Variants in DYNC1I2 observed in about 807,000 individuals in gnomAD.
DYNC1I2 encodes the protein dynein cytoplasmic 1 intermediate chain 2, also known as cytoplasmic dynein 1 intermediate chain 2.
In DYNC1I2, 53 loss-of-function variants were observed where a neutral mutation model predicts 88.6. That is an observed-to-expected ratio of 0.60 (90% CI 0.48 to 0.75). The LOEUF is 0.75. Among genes scored for constraint, DYNC1I2 ranks in the 30% least tolerant of loss-of-function variants. The pLI, the probability that DYNC1I2 is intolerant of heterozygous loss-of-function variation, is 0.00. For missense variants in DYNC1I2, 458 were observed against 766.6 expected (o/e 0.60, Z 4.75); for synonymous variants, 198 against 254.6 (o/e 0.78, Z 2.12).
At position 171,708,063 on chromosome 2, in the gene DYNC1I2, TCTCTCACACACA is replaced by T. The variant is rs1686820508; in HGVS notation, c.335+688_335+699del. ...GTATTACTACTTATTCCTCTTTGTC[TCTCTCACACACA>T]CACACACACACACACACAAAATAGT... On this transcript the variant is annotated intron_variant, in intron 5 of 17. Transcript: ENST00000397119. Among the ~76,000 whole-genome samples the T allele has an allele frequency of 6.8e-5, 10 of 147,618 alleles. 1 individual carries two copies. In the South Asian group the frequency reaches 2.1e-3, roughly 32 times the overall value.
intron 7 of DYNC1I2, among the ~76,000 whole-genome samples, chr2:171,723,879 TG>T (rs1338360980): frequency 6.6e-6 from 1 of 152,160 alleles, no homozygotes; most frequent in African/African-American, 2.4e-5. Flanking sequence ...ATTTTCAGAT[TG>T]TTTTTCCATT....
chr2:171,733,428 C>T (rs1380858952), intron 15 of DYNC1I2, among the ~76,000 whole-genome samples: 2 of 128,718 alleles, frequency 1.6e-5, no homozygotes, highest in South Asian at 2.8e-4. Flanking sequence ...AGTGTAAAAA[C>T]GTTCCTTTTT....
intron 3 of DYNC1I2, among the ~76,000 whole-genome samples, chr2:171,700,241 C>G (rs1055738545): frequency 6.6e-6 from 1 of 152,104 alleles, no homozygotes; most frequent in South Asian, 2.1e-4. Flanking sequence ...ACTTGAGTAT[C>G]CTGGTAGCAT....
At chr2:171,704,143 T>C (rs1246202826) in intron 3 of DYNC1I2, among the ~76,000 whole-genome samples, 1 of 152,170 alleles carries the variant, frequency 6.6e-6, no homozygotes, top group Non-Finnish European at 1.5e-5. Context: ...TCCCAGGTCC[T>C]TTGTGGTCTA....
chr2:171,694,367 AAAAGAGGTGGCTGGGTGGG>A (rs1685604341), intron 3 of DYNC1I2, among the ~76,000 whole-genome samples: 2 of 152,122 alleles, frequency 1.3e-5, no homozygotes, highest in Non-Finnish European at 2.9e-5. Context: ...GGGTAACTTG[AAAAGAGGTGGCTGGGTGGG>A]GTGGCTCACG....
At chr2:171,730,936 A>T (rs1351285252) in intron 15 of DYNC1I2, among the ~76,000 whole-genome samples, 1 of 152,178 alleles carries the variant, frequency 6.6e-6, no homozygotes, top group Non-Finnish European at 1.5e-5. Flanking sequence ...TTTCTGTCTG[A>T]TAATGAAACA....
intron 2 of DYNC1I2, 78 bp downstream of exon 2, chr2:171,690,341 A>G: frequency 9.5e-7 from 1 of 1,056,998 alleles, no homozygotes; most frequent in Non-Finnish European, 1.4e-6. Flanking sequence ...ATTTACATAT[A>G]GGTTGGTGCA....
chr2:171,690,115 T>G, intron 1 of DYNC1I2, 32 bp from the exon 2 acceptor site: 4 of 1,398,476 alleles, frequency 2.9e-6, no homozygotes, highest in Non-Finnish European at 3.9e-6. Flanking sequence ...ACTGTGCTGC[T>G]TTTACTAACA....
chr2:171,726,005 A>G lies in DYNC1I2; in HGVS notation c.694A>G (p.Ile232Val), dbSNP rs200862980. Reference sequence around the variant, plus strand: ...AAGTTTCTTTGACCATTCTACAAGAATTGTAGAAAGAGCTCTTTCTGAGCA... The same window carrying G: ...AAGTTTCTTTGACCATTCTACAAGAGTTGTAGAAAGAGCTCTTTCTGAGCA... ...FLSFFDHSTR[I>V]VERALSEQIN... is the part of the protein sequence containing the mutation. Residue 232 changes from isoleucine to valine, a missense_variant, in exon 9 of 18, where the codon ATT becomes GTT. Coordinates refer to ENST00000397119, the MANE Select transcript of DYNC1I2 (RefSeq NM_001378.3). 40 of 1,595,210 alleles carry G rather than the reference A, an allele frequency of 2.5e-5. No individual in the cohort carries two copies. The highest frequency in any genetic ancestry group is 1.7e-6 in the Non-Finnish European group (2 of 1,174,154).
intron 5 of DYNC1I2, among the ~76,000 whole-genome samples, chr2:171,710,130 C>T (rs200973721): frequency 0.076 from 5,908 of 78,104 alleles, 132 homozygotes; most frequent in African/African-American, 0.11. Flanking sequence ...TATACACACA[C>T]ACACACACAC....
chr2:171,713,492 T>A (rs567540602), intron 6 of DYNC1I2, among the ~76,000 whole-genome samples: 2 of 152,020 alleles, frequency 1.3e-5, no homozygotes, highest in East Asian at 3.9e-4. Context: ...TAATGCTTTA[T>A]AGTTTCTGTA....
At chr2:171,707,833 GA>G (rs530748217) in intron 5 of DYNC1I2, among the ~76,000 whole-genome samples, 22 of 152,142 alleles carry the variant, frequency 1.4e-4, no homozygotes, top group Non-Finnish European at 2.9e-4. Flanking sequence ...TTAAGATAGA[GA>G]ATAATAATGC....
chr2:171,721,913 T>C (rs1162089119), intron 7 of DYNC1I2, among the ~76,000 whole-genome samples: 4 of 152,204 alleles, frequency 2.6e-5, no homozygotes, highest in Non-Finnish European at 5.9e-5. Flanking sequence ...TAAGTAGCAA[T>C]GTTTGTTCAG....
In DYNC1I2 at chr2:171,713,440, CT is replaced by C. The variant is rs552134559; in HGVS notation, c.395+624del. Among the ~76,000 whole-genome samples the C allele has an allele frequency of 9.6e-4, 136 of 141,324 alleles. 1 individual carries two copies. Among genetic ancestry groups the C allele is most frequent in the African/African-American group, 1.6e-3 (62 of 38,816 alleles). 92.7% of individuals were successfully genotyped at this position (141,324 alleles called of 152,430 possible). On this transcript the variant is annotated intron_variant, in intron 6 of 17. Coordinates refer to ENST00000397119, the MANE Select transcript of DYNC1I2 (RefSeq NM_001378.3). ...CCTTTTATTTTTGTTTTGTTTTTTGCTTTTTTTTTTGGCATATTTTCTTAGT... is the reference window on the plus strand; with the variant it reads ...CCTTTTATTTTTGTTTTGTTTTTTGCTTTTTTTTTGGCATATTTTCTTAGT...
chr2:171,709,666 T>A (rs746830561), intron 5 of DYNC1I2, among the ~76,000 whole-genome samples: 64 of 152,222 alleles, frequency 4.2e-4, no homozygotes, highest in African/African-American at 1.2e-3. Flanking sequence ...AATTGGTTTC[T>A]TGTGAGTTTA....
chr2:171,744,992 G>T (rs1689687370), intron 16 of DYNC1I2, among the ~76,000 whole-genome samples: 2 of 152,142 alleles, frequency 1.3e-5, no homozygotes, highest in Non-Finnish European at 2.9e-5. Flanking sequence ...GAGATTTGAA[G>T]TTACAATTAA....
intron 7 of DYNC1I2, among the ~76,000 whole-genome samples, chr2:171,722,723 A>G (rs1046030575): frequency 2.6e-5 from 4 of 152,206 alleles, no homozygotes; most frequent in Non-Finnish European, 5.9e-5. Flanking sequence ...TATTTGGTAA[A>G]TTTGATAATT....
At chr2:171,688,772 C>T (rs1559356963) in intron 1 of DYNC1I2, 1 of 152,148 alleles carries the variant, frequency 6.6e-6, no homozygotes, top group Non-Finnish European at 1.5e-5. Context: ...AATTTCTCCT[C>T]TTGACTGACT....
At chr2:171,710,535 G>T (rs1393743465) in intron 5 of DYNC1I2, among the ~76,000 whole-genome samples, 2 of 152,100 alleles carry the variant, frequency 1.3e-5, no homozygotes, top group East Asian at 3.9e-4. Context: ...TAAGTGCCAA[G>T]AATTTCTTTT....
Sources: allele counts gnomAD v4.1 joint callset (sites outside exome capture counted in the v4.1 genomes callset), GRCh38; gene constraint gnomAD v4.1.1; transcripts MANE v1.5; gene names NCBI Gene and HGNC (gene_info 2026-07-23, HGNC 2026-07-21).